ANGPT2: variants seen among roughly 807,000 people sequenced by gnomAD.
ANGPT2 encodes angiopoietin-2.
Under a neutral mutation model 62.9 loss-of-function variants are expected in ANGPT2, and 28 were observed. That is an observed-to-expected ratio of 0.44 (90% confidence interval 0.33 to 0.61). The LOEUF (loss-of-function observed/expected upper bound fraction) is 0.61, where lower values mean the gene tolerates loss of function less well. ANGPT2 is among the 20% of genes least tolerant of loss of function. The probability of loss-of-function intolerance (pLI) is 0.03; values close to 1 mark genes in which losing one functional copy is unlikely to be tolerated. For synonymous variants in ANGPT2, 284 were observed against 207.8 expected, an observed-to-expected ratio of 1.37 and a Z score of -3.15; for missense variants, 727 against 594.9, an observed-to-expected ratio of 1.22 and a Z score of -2.31.
At chr8:6,504,643 G>A (rs1273584935) in intron 8 of ANGPT2, among the ~76,000 whole-genome samples, 1 of 152,116 alleles carries the variant, frequency 6.6e-6, no homozygotes, top group African/African-American at 2.4e-5. Flanking sequence ...GTGAAAAGGT[G>A]AAAGTTCCTG....
intron 3 of ANGPT2, among the ~76,000 whole-genome samples, chr8:6,522,216 G>A (rs946754967): frequency 9.2e-5 from 14 of 152,056 alleles, no homozygotes; most frequent in African/African-American, 2.4e-4. Context: ...TTCTCCAGGC[G>A]TGGTGGCGGG....
chr8:6,537,387 T>C (rs947376575), intron 1 of ANGPT2, among the ~76,000 whole-genome samples: 3 of 152,100 alleles, frequency 2.0e-5, no homozygotes, highest in African/African-American at 4.8e-5. Flanking sequence ...AAGTGAGTTA[T>C]GCAAGTTTAA....
chr8:6,521,531 G>A (rs1253111911), intron 3 of ANGPT2, 121 bp from the exon 4 acceptor site: 1 of 723,158 alleles, frequency 1.4e-6, no homozygotes, highest in Non-Finnish European at 2.2e-6. Context: ...AAAGTAATAT[G>A]ATGTTACCAG....
At chr8:6,560,068 A>G (rs983567017) in intron 1 of ANGPT2, among the ~76,000 whole-genome samples, 3 of 152,176 alleles carry the variant, frequency 2.0e-5, no homozygotes, top group African/African-American at 7.2e-5. Context: ...TTGAACTACT[A>G]TTTATTTGCC....
intron 1 of ANGPT2, among the ~76,000 whole-genome samples, chr8:6,543,307 T>G (rs1821941075): frequency 6.6e-6 from 1 of 152,182 alleles, no homozygotes; most frequent in Non-Finnish European, 1.5e-5. Context: ...CGTCCGCAAA[T>G]GTGTTTGTAC....
At chr8:6,551,970 C>A (rs1209394631) in intron 1 of ANGPT2, among the ~76,000 whole-genome samples, 1 of 152,194 alleles carries the variant, frequency 6.6e-6, no homozygotes, top group African/African-American at 2.4e-5. Context: ...AATACTTCAA[C>A]TATCTTCAGA....
At position 6,513,680 on chromosome 8, in the gene ANGPT2, A is replaced by G. The variant is rs746030932; in HGVS notation, c.1194T>C (p.Tyr398=). The change falls in exon 7 of 9, where the codon TAT becomes TAC. Residue 398 remains tyrosine, a splice_region_variant and synonymous_variant. Coordinates refer to ENST00000629816, the MANE Select transcript of ANGPT2 (RefSeq NM_001118887.2). ...HFYLSSEELN[Y]RIHLKGLTGT... is the part of the protein sequence containing the mutation. ...TCAATTACCATGAACTCACTTACCT[A>G]TAATTGAGTTCTTCACTTGAGAGAT... The G allele has an allele frequency of 1.9e-6, 3 of 1,607,826 alleles. No individual in the cohort carries two copies. Among genetic ancestry groups the G allele is most frequent in the East Asian group, 2.2e-5 (1 of 44,732 alleles).
chr8:6,542,468 G>T (rs1381930191), intron 1 of ANGPT2, among the ~76,000 whole-genome samples: 1 of 152,080 alleles, frequency 6.6e-6, no homozygotes, highest in African/African-American at 2.4e-5. Context: ...TATTGTCGGA[G>T]TGTCACTGTA....
chr8:6,522,962 A>G (rs1393373591), intron 3 of ANGPT2, among the ~76,000 whole-genome samples: 1 of 151,978 alleles, frequency 6.6e-6, no homozygotes, highest in Non-Finnish European at 1.5e-5. Flanking sequence ...TACTTAATAC[A>G]TAACAGTTAA....
rs765741900 is a variant in ANGPT2 at position 6,513,714 on chromosome 8, T to G, written c.1160A>C (p.Glu387Ala). Residue 387 changes from glutamate to alanine, a missense_variant, in exon 7 of 9, where the codon GAA becomes GCA. Glu to Ala is a moderately radical substitution (Grantham distance 107). Coordinates refer to ENST00000629816, the MANE Select transcript of ANGPT2 (RefSeq NM_001118887.2). ...TTCTTCACTTGAGAGATAGAAATGT[T>G]CATACAATGAGTAAGCCTCATTCCC... ...WEGNEAYSLY[E>A]HFYLSSEELN... is the part of the protein sequence containing the mutation. 52 of 1,613,644 alleles carry G rather than the reference T, an allele frequency of 3.2e-5. No individual in the cohort carries two copies. The highest frequency in any genetic ancestry group is 3.6e-5 in the Non-Finnish European group (42 of 1,179,874).
At chr8:6,515,971 T>C (rs1005642560) in intron 5 of ANGPT2, among the ~76,000 whole-genome samples, 2 of 152,172 alleles carry the variant, frequency 1.3e-5, no homozygotes, top group African/African-American at 4.8e-5. Context: ...TGATGCCTCA[T>C]TGCCAGTGCA....
intron 3 of ANGPT2, among the ~76,000 whole-genome samples, chr8:6,521,960 G>C (rs967362544): frequency 6.6e-6 from 1 of 152,160 alleles, no homozygotes; most frequent in African/African-American, 2.4e-5. Context: ...CTGCGACTTG[G>C]AACAGTTTAC....
chr8:6,513,533 C>A, intron 7 of ANGPT2, 145 bp downstream of exon 7: 1 of 556,046 alleles, frequency 1.8e-6, no homozygotes, highest in Non-Finnish European at 2.9e-6. Flanking sequence ...CAGGGTTTCA[C>A]TTTGTTTGCC....
chr8:6,509,495 A>T (rs1814512856), intron 7 of ANGPT2, among the ~76,000 whole-genome samples: 1 of 152,236 alleles, frequency 6.6e-6, no homozygotes, highest in African/African-American at 2.4e-5. Flanking sequence ...AGAATGCAGC[A>T]GACAAGGAAT....
intron 3 of ANGPT2, among the ~76,000 whole-genome samples, chr8:6,524,517 T>C (rs886485907): frequency 2.6e-5 from 4 of 152,212 alleles, no homozygotes; most frequent in African/African-American, 9.6e-5. Flanking sequence ...CATGTGAAAT[T>C]GACATACACG....
chr8:6,545,297 T>TATCA (rs1320017703), intron 1 of ANGPT2, among the ~76,000 whole-genome samples: 1 of 152,224 alleles, frequency 6.6e-6, no homozygotes, highest in Non-Finnish European at 1.5e-5. Context: ...TTTTAAAAGT[T>TATCA]ATCAAGCTGT....
chr8:6,523,745 G>A (rs574494738), intron 3 of ANGPT2, among the ~76,000 whole-genome samples: 35 of 152,192 alleles, frequency 2.3e-4, no homozygotes, highest in African/African-American at 8.2e-4. Flanking sequence ...GTGCCACCAC[G>A]CCCAGCTAAT....
At chr8:6,549,498 C>T (rs1238614917) in intron 1 of ANGPT2, among the ~76,000 whole-genome samples, 1 of 152,190 alleles carries the variant, frequency 6.6e-6, no homozygotes, top group Non-Finnish European at 1.5e-5. Context: ...GGTGGGAAGC[C>T]TTCTGTATCT....
intron 1 of ANGPT2, among the ~76,000 whole-genome samples, chr8:6,538,587 C>A (rs1213358563): frequency 2.0e-5 from 3 of 152,216 alleles, no homozygotes; most frequent in African/African-American, 7.2e-5. Context: ...GGCCTCATAC[C>A]ACGGCCGCCT....
Sources: gnomAD v4.1 joint callset for allele counts (sites outside exome capture counted in the v4.1 genomes callset) on GRCh38, gnomAD v4.1.1 for gene constraint, MANE v1.5 for transcripts, NCBI Gene and HGNC (gene_info 2026-07-23, HGNC 2026-07-21) for gene names.